Variants in PDE4D observed in about 807,000 individuals in gnomAD.
PDE4D encodes 3',5'-cyclic-AMP phosphodiesterase 4D.
PDE4D carries 24 observed loss-of-function variants against 87.4 expected under a neutral mutation model. The ratio of observed to expected loss-of-function variants is 0.27; its 90% CI spans 0.20 to 0.39. The LOEUF (loss-of-function observed/expected upper bound fraction) is 0.39, where lower values mean the gene tolerates loss of function less well. PDE4D is among the 10% of genes least tolerant of loss of function. The probability of loss-of-function intolerance (pLI) is 1.00; values close to 1 mark genes in which losing one functional copy is unlikely to be tolerated. For synonymous variants in PDE4D, 384 were observed against 383.2 expected (o/e 1.00, Z -0.02); for missense variants, 714 against 1,041.0 (o/e 0.69, Z 4.32).
intron 1 of PDE4D, among the ~76,000 whole-genome samples, chr5:60,399,616 G>A (rs1438477131): frequency 1.3e-5 from 2 of 152,244 alleles, no homozygotes; most frequent in African/African-American, 4.8e-5. Flanking sequence ...CAGTGGCTCA[G>A]AGAACAGAGA....
intron 1 of PDE4D, among the ~76,000 whole-genome samples, chr5:60,232,429 T>C (rs988295159): frequency 2.0e-4 from 30 of 151,878 alleles, no homozygotes; most frequent in African/African-American, 7.0e-4. Flanking sequence ...TGGATTATGA[T>C]CAGTAATAAT....
chr5:59,561,719 C>G (rs1462650424), intron 1 of PDE4D, among the ~76,000 whole-genome samples: 1 of 152,000 alleles, frequency 6.6e-6, no homozygotes, highest in African/African-American at 2.4e-5. Flanking sequence ...CACCTGTGGT[C>G]AGGAGTTTGA....
At chr5:59,968,609 T>C (rs910489808) in intron 3 of PDE4D, among the ~76,000 whole-genome samples, 3 of 152,128 alleles carry the variant, frequency 2.0e-5, no homozygotes, top group Admixed American at 1.3e-4. Context: ...TAGAACCATA[T>C]AACAGCCCTC....
chr5:59,333,146 T>C (rs1490094254), intron 1 of PDE4D, among the ~76,000 whole-genome samples: 1 of 152,202 alleles, frequency 6.6e-6, no homozygotes, highest in Non-Finnish European at 1.5e-5. Flanking sequence ...GAACATACTC[T>C]ATAATCAAAA....
At chr5:59,706,358 G>T (rs1409909991) in intron 1 of PDE4D, among the ~76,000 whole-genome samples, 1 of 152,064 alleles carries the variant, frequency 6.6e-6, no homozygotes, top group African/African-American at 2.4e-5. Context: ...AGATGTGGGG[G>T]CAAATCAAGA....
At chr5:59,874,941 A>G (rs1748336031) in intron 1 of PDE4D, among the ~76,000 whole-genome samples, 1 of 152,180 alleles carries the variant, frequency 6.6e-6, no homozygotes, top group African/African-American at 2.4e-5. Flanking sequence ...CTGAGGTCCA[A>G]TCTGATAAGT....
intron 1 of PDE4D, among the ~76,000 whole-genome samples, chr5:59,730,764 A>G (rs1353567156): frequency 6.6e-6 from 1 of 152,182 alleles, no homozygotes; most frequent in East Asian, 1.9e-4. Context: ...CATGTGCCAT[A>G]TAGACTTTGT....
intron 3 of PDE4D, among the ~76,000 whole-genome samples, chr5:59,958,067 T>TA (rs1389813456): frequency 1.4e-4 from 22 of 152,110 alleles, no homozygotes; most frequent in Admixed American, 1.4e-3. Flanking sequence ...AAGGATAAAT[T>TA]ATTGGTAATA....
intron 1 of PDE4D, among the ~76,000 whole-genome samples, chr5:60,340,239 T>G (rs899593005): frequency 6.6e-6 from 1 of 151,794 alleles, no homozygotes; most frequent in Non-Finnish European, 1.5e-5. Context: ...CTGTGAATTA[T>G]CTGTCTTTTA....
intron 1 of PDE4D, among the ~76,000 whole-genome samples, chr5:59,591,180 A>G (rs1825868525): frequency 6.6e-6 from 1 of 152,204 alleles, no homozygotes; most frequent in Non-Finnish European, 1.5e-5. Context: ...AATTACAAAA[A>G]TGTAACAGTA....
intron 1 of PDE4D, among the ~76,000 whole-genome samples, chr5:59,458,472 T>C (rs1800252275): frequency 6.6e-6 from 1 of 152,246 alleles, no homozygotes; most frequent in Non-Finnish European, 1.5e-5. Flanking sequence ...GCAGAGGACA[T>C]ACCACTGAAA....
intron 1 of PDE4D, among the ~76,000 whole-genome samples, chr5:59,556,580 G>A (rs942943622): frequency 6.6e-6 from 1 of 152,136 alleles, no homozygotes; most frequent in African/African-American, 2.4e-5. Flanking sequence ...TCTGTACGAG[G>A]AAAACTTAGT....
At chr5:59,119,732 G>A (rs1774171996) in intron 5 of PDE4D, among the ~76,000 whole-genome samples, 1 of 152,144 alleles carries the variant, frequency 6.6e-6, no homozygotes, top group South Asian at 2.1e-4. Context: ...ATCAGTAGAG[G>A]AAACATTCTA....
Position 59,831,390 on chromosome 5 carries a change from G to A in PDE4D, c.455+61778C>T, listed in dbSNP as rs548762368. Among the ~76,000 whole-genome samples the A allele has an allele frequency of 1.1e-3, 164 of 150,242 alleles. 5 individuals carry two copies. In the South Asian group the frequency reaches 0.032, roughly 29 times the overall value. The stretch of plus-strand genomic sequence containing the variant: ...ACAATATCACTGACTTCCAAGCTTG[G>A]TGGCCAAGAACAAGATTCTTTGAAA... On this transcript the variant is annotated intron_variant, in intron 1 of 14. Coordinates refer to ENST00000340635, the MANE Select transcript of PDE4D (RefSeq NM_001104631.2).
In PDE4D at chr5:60,151,443, C is replaced by T. The variant is rs148094771; in HGVS notation, c.42+34114G>A. On this transcript the variant is annotated intron_variant, in intron 2 of 16. Coordinates refer to the PDE4D transcript ENST00000502484. ...CATCTTCTTTAATTTCTTTCATTAA[C>T]GTTGTATAGTTTTCAGTCTTTCACC... Among the ~76,000 whole-genome samples, 341 of 152,186 alleles carry T rather than the reference C, an allele frequency of 2.2e-3. 2 individuals are homozygous for T. Among genetic ancestry groups the T allele is most frequent in the African/African-American group, 7.8e-3 (325 of 41,548 alleles).
intron 1 of PDE4D, among the ~76,000 whole-genome samples, chr5:59,342,179 C>G (rs1281504152): frequency 5.9e-5 from 9 of 152,160 alleles, no homozygotes; most frequent in African/African-American, 1.2e-4. Context: ...AAGCAATTCT[C>G]AAATTATGAT....
intron 1 of PDE4D, among the ~76,000 whole-genome samples, chr5:59,779,100 T>G (rs1764354115): frequency 6.6e-6 from 1 of 151,746 alleles, no homozygotes; most frequent in Non-Finnish European, 1.5e-5. Context: ...AGGCGGAGGT[T>G]GCAGTGAGCC....
intron 6 of PDE4D, chr5:58,999,802 T>G: frequency 1.0e-6 from 1 of 1,001,266 alleles, no homozygotes; most frequent in Non-Finnish European, 1.2e-6. Context: ...ATCCACGTGA[T>G]AAAGGAATAT....
intron 9 of PDE4D, 89 bp downstream of exon 9, chr5:58,990,715 T>C: frequency 1.4e-6 from 1 of 698,380 alleles, no homozygotes; most frequent in Admixed American, 2.7e-5. Context: ...AGGTGGGGAA[T>C]ATTAAAAAAG....
Sources: allele counts gnomAD v4.1 joint callset (sites outside exome capture counted in the v4.1 genomes callset), GRCh38; gene constraint gnomAD v4.1.1; transcripts MANE v1.5; gene names NCBI Gene and HGNC (gene_info 2026-07-23, HGNC 2026-07-21).